Variants in WWOX observed in about 807,000 individuals in gnomAD.
The protein encoded by WWOX is WW domain-containing oxidoreductase.
Under a neutral mutation model 46.2 loss-of-function variants are expected in WWOX, and 69 were observed. The ratio of observed to expected loss-of-function variants is 1.49; its 90% CI spans 1.23 to 1.82. The LOEUF is 1.82. Among genes scored for constraint, WWOX ranks in the 40% most tolerant of loss-of-function variants. The probability of loss-of-function intolerance (pLI) is 0.00; values close to 1 mark genes in which losing one functional copy is unlikely to be tolerated. For missense variants in WWOX, 919 were observed against 542.6 expected (o/e 1.69, Z -6.89); for synonymous variants, 359 against 202.6 (o/e 1.77, Z -6.56).
intron 8 of WWOX, among the ~76,000 whole-genome samples, chr16:79,071,126 G>T (rs2048542413): frequency 6.6e-6 from 1 of 152,156 alleles, no homozygotes; most frequent in Non-Finnish European, 1.5e-5. Context: ...AAGTCTGCCT[G>T]TACATTTCCA....
chr16:78,640,806 G>T, intron 8 of WWOX, among the ~76,000 whole-genome samples: 1 of 152,098 alleles, frequency 6.6e-6, no homozygotes, highest in Non-Finnish European at 1.5e-5. Flanking sequence ...GGGCGTGGCA[G>T]TGTGTGCCTG....
intron 8 of WWOX, among the ~76,000 whole-genome samples, chr16:78,873,919 C>T (rs979368865): frequency 2.7e-4 from 41 of 152,062 alleles, no homozygotes; most frequent in African/African-American, 9.9e-4. Flanking sequence ...CTGAAGACTT[C>T]ATTCTAGTGG....
chr16:78,615,217 A>G (rs2045993285), intron 8 of WWOX, among the ~76,000 whole-genome samples: 1 of 152,130 alleles, frequency 6.6e-6, no homozygotes, highest in Non-Finnish European at 1.5e-5. Context: ...TGTTTTTTGA[A>G]AGGGCATCAC....
At chr16:78,420,107 G>C (rs1001721599) in intron 6 of WWOX, among the ~76,000 whole-genome samples, 1 of 152,052 alleles carries the variant, frequency 6.6e-6, no homozygotes, top group Non-Finnish European at 1.5e-5. Context: ...AAATAAAAAA[G>C]TCAGATAACA....
chr16:78,556,332 G>A (rs1444964322), intron 8 of WWOX, among the ~76,000 whole-genome samples: 4 of 151,952 alleles, frequency 2.6e-5, no homozygotes, highest in Non-Finnish European at 5.9e-5. Context: ...CGCTTGGCTT[G>A]CTGGCTGTCA....
intron 8 of WWOX, among the ~76,000 whole-genome samples, chr16:78,433,753 C>T (rs74247406): frequency 6.7e-6 from 1 of 149,258 alleles, no homozygotes; most frequent in Non-Finnish European, 1.5e-5. Flanking sequence ...ACCTGCCACC[C>T]TTAACCTTCG....
chr16:79,010,583 G>A (rs893606736), intron 8 of WWOX, among the ~76,000 whole-genome samples: 2 of 152,106 alleles, frequency 1.3e-5, no homozygotes, highest in African/African-American at 2.4e-5. Context: ...ATAAATATAT[G>A]ATAAATAACA....
rs145889903 is a variant in WWOX, at chr16:78,709,044, C to A, written c.1056+276292C>A. Among the ~76,000 whole-genome samples the A allele has an allele frequency of 5.0e-3, 754 of 152,206 alleles. 2 individuals are homozygous for A. The highest frequency in any genetic ancestry group is 8.2e-3 in the Non-Finnish European group (558 of 68,012). On this transcript the variant is annotated intron_variant, in intron 8 of 8. Coordinates refer to ENST00000566780, the MANE Select transcript of WWOX (RefSeq NM_016373.4). ...TTTCGAAACGTGAAAATAAATTGGC[C>A]CCCTGACCCCTTATGAAGTGACATC... is the stretch of plus-strand genomic sequence containing the variant.
chr16:78,636,040 C>G (rs886238011), intron 8 of WWOX, among the ~76,000 whole-genome samples: 2 of 152,198 alleles, frequency 1.3e-5, no homozygotes, highest in African/African-American at 4.8e-5. Context: ...CTTATGCTCG[C>G]TGCGGAACAC....
intron 8 of WWOX, among the ~76,000 whole-genome samples, chr16:78,988,286 G>A (rs750431173): frequency 6.6e-6 from 1 of 151,030 alleles, no homozygotes; most frequent in Non-Finnish European, 1.5e-5. Context: ...AGAGGTTGCA[G>A]TGAGCCAAGA....
At chr16:79,005,616 C>G (rs1039765284) in intron 8 of WWOX, among the ~76,000 whole-genome samples, 1 of 152,136 alleles carries the variant, frequency 6.6e-6, no homozygotes, top group Non-Finnish European at 1.5e-5. Context: ...ATCTCTGCCT[C>G]TGTCTTCTCA....
intron 8 of WWOX, among the ~76,000 whole-genome samples, chr16:78,754,783 G>C (rs1375480688): frequency 1.3e-5 from 2 of 152,236 alleles, no homozygotes; most frequent in East Asian, 3.9e-4. Context: ...GTGTGAATGA[G>C]ATGACCTCTA....
At chr16:78,381,302 G>C (rs1647025237) in intron 5 of WWOX, among the ~76,000 whole-genome samples, 2 of 152,178 alleles carry the variant, frequency 1.3e-5, no homozygotes, top group Non-Finnish European at 2.9e-5. Context: ...ACAGACTCTT[G>C]AGTCACTAAC....
At chr16:78,590,960 T>C (rs1597316054) in intron 8 of WWOX, among the ~76,000 whole-genome samples, 1 of 152,116 alleles carries the variant, frequency 6.6e-6, no homozygotes, top group East Asian at 1.9e-4. Context: ...ATATGGCACC[T>C]CCTCATTTGG....
chr16:79,142,802 G>C (rs941529070), intron 8 of WWOX, among the ~76,000 whole-genome samples: 1 of 152,140 alleles, frequency 6.6e-6, no homozygotes, highest in African/African-American at 2.4e-5. Flanking sequence ...AGGCCCAACT[G>C]ATCCTCCTGC....
intron 1 of WWOX, among the ~76,000 whole-genome samples, chr16:78,101,654 C>G: frequency 6.6e-6 from 1 of 152,160 alleles, no homozygotes. Context: ...GGCCCCTCCC[C>G]TCTCCCTTGG....
intron 5 of WWOX, among the ~76,000 whole-genome samples, chr16:78,259,371 G>A (rs183600144): frequency 2.0e-5 from 3 of 152,308 alleles, no homozygotes; most frequent in Non-Finnish European, 2.9e-5. Context: ...CTGTCACCCA[G>A]GTTGGAGTGC....
chr16:78,788,334 G>C (rs1276911436), intron 8 of WWOX, among the ~76,000 whole-genome samples: 2 of 152,138 alleles, frequency 1.3e-5, no homozygotes, highest in Non-Finnish European at 2.9e-5. Context: ...CCTGTGTTAG[G>C]CATCAGGAAA....
chr16:79,202,035 G>C (rs369956619), intron 8 of WWOX, among the ~76,000 whole-genome samples: 1 of 150,842 alleles, frequency 6.6e-6, no homozygotes. Flanking sequence ...ATGGCCTGCC[G>C]GCTAAATCTG....
Sources: gnomAD v4.1 joint callset for allele counts (sites outside exome capture counted in the v4.1 genomes callset) on GRCh38, gnomAD v4.1.1 for gene constraint, MANE v1.5 for transcripts, NCBI Gene and HGNC (gene_info 2026-07-23, HGNC 2026-07-21) for gene names.